The following VPS13B variants were observed in gnomAD, a reference collection of about 807,000 sequenced individuals.
VPS13B encodes the protein intermembrane lipid transfer protein VPS13B.
In VPS13B, 285 loss-of-function variants were observed where a neutral mutation model predicts 426.4. The ratio of observed to expected loss-of-function variants is 0.67; its 90% CI spans 0.61 to 0.74. VPS13B has a LOEUF of 0.74. VPS13B is among the 30% of genes least tolerant of loss of function. The pLI, the probability that VPS13B is intolerant of heterozygous loss-of-function variation, is 0.00. For missense variants in VPS13B, 4,537 were observed against 4,782.6 expected, an observed-to-expected ratio of 0.95 and a Z score of 1.51; for synonymous variants, 1,676 against 1,676.4, an observed-to-expected ratio of 1.00 and a Z score of 0.01.
chr8:99,813,976 A>T (rs1340512855), intron 44 of VPS13B, among the ~76,000 whole-genome samples: 1 of 152,092 alleles, frequency 6.6e-6, no homozygotes, highest in Admixed American at 6.5e-5. Flanking sequence ...TCTACAAAAC[A>T]TAAAATAAAA....
At chr8:99,423,276 T>G (rs1816481167) in intron 21 of VPS13B, among the ~76,000 whole-genome samples, 1 of 151,880 alleles carries the variant, frequency 6.6e-6, no homozygotes, top group South Asian at 2.1e-4. Context: ...TTTTTTTTTT[T>G]GAAACAGTCT....
chr8:99,487,990 T>C (rs1820399869), intron 25 of VPS13B, among the ~76,000 whole-genome samples: 1 of 152,174 alleles, frequency 6.6e-6, no homozygotes, highest in Non-Finnish European at 1.5e-5. Context: ...GACTTGCACC[T>C]GAAAAACCAT....
At chr8:99,555,783 A>G (rs527768573) in intron 30 of VPS13B, among the ~76,000 whole-genome samples, 2 of 152,296 alleles carry the variant, frequency 1.3e-5, no homozygotes, top group Admixed American at 6.5e-5. Flanking sequence ...AGTGGACCCA[A>G]TAGGATCAAC....
intron 1 of VPS13B, 98 bp from the exon 2 acceptor site, chr8:99,013,662 C>A: frequency 8.6e-7 from 1 of 1,167,960 alleles, no homozygotes; most frequent in Non-Finnish European, 1.3e-6. Context: ...AGGCGAACGG[C>A]CGCTTTGGTG....
intron 44 of VPS13B, among the ~76,000 whole-genome samples, chr8:99,815,173 A>C (rs1176996314): frequency 2.0e-5 from 3 of 148,960 alleles, no homozygotes; most frequent in African/African-American, 7.4e-5. Flanking sequence ...TTGACTCGTG[A>C]TTATGAAACA....
chr8:99,604,357 G>A (rs978970583), intron 33 of VPS13B, among the ~76,000 whole-genome samples: 17 of 151,838 alleles, frequency 1.1e-4, no homozygotes, highest in African/African-American at 4.1e-4. Context: ...TATTTTATTT[G>A]CATGTTCTCA....
Position 99,875,801 on chromosome 8 carries a change from G to C in VPS13B, c.*135G>C. ...ATCCTCCCACCTCAACCCACAAGTAGCTACGACTGCAAGCACCTGCCACCA... is the reference window on the plus strand; with the variant it reads ...ATCCTCCCACCTCAACCCACAAGTACCTACGACTGCAAGCACCTGCCACCA... On this transcript the variant is annotated 3_prime_UTR_variant, in exon 62 of 62. Coordinates refer to ENST00000357162, the MANE Select transcript of VPS13B (RefSeq NM_152564.5). 1.7e-6 allele frequency: 2 copies of C among 1,170,444 alleles called. No homozygotes were observed. 72.5% of individuals were successfully genotyped at this position (1,170,444 alleles called of 1,614,324 possible).
intron 19 of VPS13B, among the ~76,000 whole-genome samples, chr8:99,348,433 T>G (rs1231626993): frequency 1.3e-5 from 2 of 152,224 alleles, no homozygotes; most frequent in Non-Finnish European, 2.9e-5. Context: ...GAAATCAAGA[T>G]TGTTAAATAA....
intron 19 of VPS13B, among the ~76,000 whole-genome samples, chr8:99,355,562 G>A (rs1812137911): frequency 6.6e-6 from 1 of 152,160 alleles, no homozygotes; most frequent in Admixed American, 6.5e-5. Flanking sequence ...CTGCACTCCA[G>A]CCTGGAGACA....
chr8:99,317,113 C>A (rs545568605), intron 19 of VPS13B, among the ~76,000 whole-genome samples: 1 of 152,202 alleles, frequency 6.6e-6, no homozygotes, highest in Non-Finnish European at 1.5e-5. Flanking sequence ...ATGAGTTCAT[C>A]TACTGTATTC....
chr8:99,575,165 TA>T (rs1033570020), intron 31 of VPS13B, among the ~76,000 whole-genome samples: 4 of 150,566 alleles, frequency 2.7e-5, no homozygotes, highest in African/African-American at 4.9e-5. Flanking sequence ...GACCTTGTCT[TA>T]AAAAAAAATG....
intron 31 of VPS13B, among the ~76,000 whole-genome samples, chr8:99,558,848 T>C (rs564169308): frequency 1.4e-3 from 220 of 152,342 alleles, no homozygotes; most frequent in African/African-American, 5.0e-3. Context: ...TTTGCTATTG[T>C]GAATAGTGCC....
Position 99,468,453 on chromosome 8 carries a change from A to G in VPS13B, c.3666+819A>G, listed in dbSNP as rs114137936. 7.2e-3 allele frequency among the ~76,000 whole-genome samples: 1,094 copies of G among 151,950 alleles called. 8 individuals carry two copies. Among genetic ancestry groups the G allele is most frequent in the African/African-American group, 0.025 (1,056 of 41,554 alleles). On this transcript the variant is annotated intron_variant, in intron 24 of 61. Coordinates refer to ENST00000357162, the MANE Select transcript of VPS13B (RefSeq NM_152564.5). Reference sequence around the variant, plus strand: ...TCTTTTTAAAAATATTATTTTTAAAAAGAAATATTAAAAAAAATTTAAATA... The same window carrying G: ...TCTTTTTAAAAATATTATTTTTAAAGAGAAATATTAAAAAAAATTTAAATA...
chr8:99,139,943 A>T (rs1810310363), intron 12 of VPS13B, among the ~76,000 whole-genome samples: 1 of 152,054 alleles, frequency 6.6e-6, no homozygotes, highest in African/African-American at 2.4e-5. Flanking sequence ...AGTGCCCTAA[A>T]TTTTATTAAG....
chr8:99,720,813 T>C (rs752499781), intron 38 of VPS13B, 50 bp from the exon 39 acceptor site: 1 of 1,526,390 alleles, frequency 6.6e-7, no homozygotes, highest in Admixed American at 1.8e-5. Context: ...TTTTCCCCTT[T>C]GTCATGTTCC....
At chr8:99,129,508 A>C in intron 8 of VPS13B, among the ~76,000 whole-genome samples, 1 of 150,130 alleles carries the variant, frequency 6.7e-6, no homozygotes. Context: ...TTTGAGCTGC[A>C]ATGAGCCATG....
rs1563495224 is a variant in VPS13B, at chr8:99,828,394, G to GCTTTTTTTTTTTTTTTTTTTTT, written c.9331-3975_9331-3974insCTTTTTTTTTTTTTTTTTTTTT. ...ATCAGAGACTAGGATTACAACCACC[G>GCTTTTTTTTTTTTTTTTTTTTT]TTTTTTTTTTTTTTTTTTTTTTTTT... On this transcript the variant is annotated intron_variant, in intron 51 of 61. Coordinates refer to ENST00000357162, the MANE Select transcript of VPS13B (RefSeq NM_152564.5). Among the ~76,000 whole-genome samples the GCTTTTTTTTTTTTTTTTTTTTT allele has an allele frequency of 8.0e-4, 14 of 17,424 alleles. 4 individuals carry two copies. The highest frequency in any genetic ancestry group is 1.4e-3 in the African/African-American group (6 of 4,140). 11.4% of individuals were successfully genotyped at this position (17,424 alleles called of 152,430 possible). A position where few individuals can be genotyped will look rare whatever the true frequency, so the allele number is the denominator to read the frequency against.
At chr8:99,361,496 T>C (rs1377767813) in intron 19 of VPS13B, among the ~76,000 whole-genome samples, 1 of 152,180 alleles carries the variant, frequency 6.6e-6, no homozygotes. Flanking sequence ...TTTAGGCATA[T>C]ATAGAAGCCA....
At chr8:99,809,678 A>C in intron 44 of VPS13B, 148 bp downstream of exon 44, 1 of 966,794 alleles carries the variant, frequency 1.0e-6, no homozygotes, top group East Asian at 2.6e-5. Context: ...ATAAATGCTT[A>C]TCTATGATCC....
Sources: allele counts gnomAD v4.1 joint callset (sites outside exome capture counted in the v4.1 genomes callset), GRCh38; gene constraint gnomAD v4.1.1; transcripts MANE v1.5; gene names NCBI Gene and HGNC (gene_info 2026-07-23, HGNC 2026-07-21).